SCAI: variants seen among roughly 807,000 people sequenced by gnomAD.
SCAI encodes the protein suppressor of cancer cell invasion, also known as protein SCAI.
In SCAI, 24 loss-of-function variants were observed where a neutral mutation model predicts 92.2. The ratio of observed to expected loss-of-function variants is 0.26; its 90% CI spans 0.19 to 0.37. The LOEUF (loss-of-function observed/expected upper bound fraction) is 0.37, where lower values mean the gene tolerates loss of function less well. Among genes scored for constraint, SCAI ranks in the 10% least tolerant of loss-of-function variants. SCAI has a pLI of 1.00. For synonymous variants in SCAI, 261 were observed against 258.6 expected (o/e 1.01, Z -0.09); for missense variants, 450 against 736.2 (o/e 0.61, Z 4.50).
chr9:124,962,482 C>A (rs1409127265), intron 17 of SCAI, among the ~76,000 whole-genome samples: 1 of 151,890 alleles, frequency 6.6e-6, no homozygotes. Context: ...CTTATAGCAA[C>A]CTTGCACCTA....
At chr9:125,045,580 C>G (rs917321777) in intron 3 of SCAI, among the ~76,000 whole-genome samples, 2 of 152,190 alleles carry the variant, frequency 1.3e-5, no homozygotes, top group South Asian at 4.1e-4. Flanking sequence ...AGGCAATCCT[C>G]TGGCCTTGGC....
At chr9:125,080,608 G>A (rs751273856) in intron 2 of SCAI, among the ~76,000 whole-genome samples, 5 of 152,112 alleles carry the variant, frequency 3.3e-5, no homozygotes, top group Non-Finnish European at 7.4e-5. Context: ...TTTACTTTGG[G>A]CATGTTTTTA....
chr9:124,977,162 C>A (rs956859578), intron 14 of SCAI, among the ~76,000 whole-genome samples: 2 of 152,276 alleles, frequency 1.3e-5, no homozygotes, highest in South Asian at 4.1e-4. Context: ...AGCCAGCACG[C>A]CCAGCCAAAA....
At chr9:125,007,243 G>A (rs1208866485) in intron 9 of SCAI, among the ~76,000 whole-genome samples, 1 of 152,104 alleles carries the variant, frequency 6.6e-6, no homozygotes, top group African/African-American at 2.4e-5. Flanking sequence ...ACAAGCAATA[G>A]AACAGACCAA....
chr9:125,043,879 C>T lies in SCAI; in HGVS notation c.230+11997G>A, dbSNP rs919563331. ...GTGGAGGCCAGGAACAGGTGGAAGCCGGGCCACCTACTGAGTTGGAGGGGT... is the reference window on the plus strand; with the variant it reads ...GTGGAGGCCAGGAACAGGTGGAAGCTGGGCCACCTACTGAGTTGGAGGGGT... On this transcript the variant is annotated intron_variant, in intron 3 of 17. Coordinates refer to ENST00000336505, the MANE Select transcript of SCAI (RefSeq NM_001144877.3). Among the ~76,000 whole-genome samples, 5 of 152,234 alleles carry T rather than the reference C, an allele frequency of 3.3e-5. No homozygotes were observed. The South Asian group carries it at 6.2e-4, about 19-fold the overall frequency.
chr9:124,999,167 T>C (rs1832306378), intron 13 of SCAI, among the ~76,000 whole-genome samples: 1 of 151,688 alleles, frequency 6.6e-6, no homozygotes, highest in South Asian at 2.1e-4. Context: ...GGCAGGTGGA[T>C]CACAAGGTCA....
intron 12 of SCAI, among the ~76,000 whole-genome samples, chr9:125,000,462 C>A (rs1832332892): frequency 6.6e-6 from 1 of 151,814 alleles, no homozygotes. Context: ...CCAGCCTGGG[C>A]AATATAGTGA....
intron 3 of SCAI, among the ~76,000 whole-genome samples, chr9:125,042,393 T>C (rs1466392175): frequency 1.3e-5 from 2 of 151,972 alleles, no homozygotes; most frequent in Non-Finnish European, 2.9e-5. Flanking sequence ...AAATCCCCCA[T>C]CTTTACTAAA....
chr9:125,077,801 C>T (rs1834123140), intron 2 of SCAI, among the ~76,000 whole-genome samples: 1 of 152,148 alleles, frequency 6.6e-6, no homozygotes, highest in South Asian at 2.1e-4. Flanking sequence ...TCACTACAAC[C>T]TCTGCCTCCT....
intron 3 of SCAI, among the ~76,000 whole-genome samples, chr9:125,030,117 A>G (rs578097756): frequency 2.0e-5 from 3 of 152,334 alleles, no homozygotes; most frequent in African/African-American, 7.2e-5. Flanking sequence ...TAGAAAATAT[A>G]CCTAGAAATC....
chr9:124,963,146 T>G (rs117101033), intron 17 of SCAI, among the ~76,000 whole-genome samples: 4,391 of 148,302 alleles, frequency 0.03, 170 homozygotes, highest in Admixed American at 0.091. Flanking sequence ...AAGAATTTTT[T>G]CCCCCCCGAG....
At chr9:124,991,980 G>A (rs897294941) in intron 14 of SCAI, among the ~76,000 whole-genome samples, 2 of 152,134 alleles carry the variant, frequency 1.3e-5, no homozygotes, top group South Asian at 2.1e-4. Flanking sequence ...GCAGTGGCAC[G>A]ATCGCAGCTC....
intron 17 of SCAI, among the ~76,000 whole-genome samples, chr9:124,970,677 C>T (rs1245213422): frequency 6.6e-6 from 1 of 151,748 alleles, no homozygotes; most frequent in African/African-American, 2.4e-5. Flanking sequence ...GAGCTGAGAT[C>T]GAGTCATTGC....
chr9:125,089,830 A>G (rs1306569704), intron 2 of SCAI, among the ~76,000 whole-genome samples: 1 of 152,148 alleles, frequency 6.6e-6, no homozygotes, highest in Non-Finnish European at 1.5e-5. Context: ...GCAGTCTCTG[A>G]GTAGCTAGCC....
chr9:125,010,387 C>T (rs1832610062), intron 9 of SCAI, among the ~76,000 whole-genome samples: 2 of 152,248 alleles, frequency 1.3e-5, no homozygotes, highest in South Asian at 4.1e-4. Flanking sequence ...ATATCCCGCA[C>T]ATGGCTTGGA....
intron 12 of SCAI, 97 bp from the exon 13 acceptor site, chr9:125,000,087 C>A: frequency 1.8e-6 from 1 of 552,728 alleles, no homozygotes; most frequent in South Asian, 3.3e-5. Context: ...CTCATTGATT[C>A]AAGCGAAGAT....
In SCAI at chr9:124,980,760, T is replaced by C. The variant is rs185418870; in HGVS notation, c.1327-4574A>G. On this transcript the variant is annotated intron_variant, in intron 14 of 17. Coordinates refer to ENST00000336505, the MANE Select transcript of SCAI (RefSeq NM_001144877.3). ...CTCCAAACTCACCCCACTTATCTTTTTCTTTTGCTGGTTTTGCTCTGTATC... is the reference window on the plus strand; with the variant it reads ...CTCCAAACTCACCCCACTTATCTTTCTCTTTTGCTGGTTTTGCTCTGTATC... 9.6e-4 allele frequency among the ~76,000 whole-genome samples: 146 copies of C among 152,340 alleles called. 1 individual carries two copies. The highest frequency in any genetic ancestry group is 3.3e-3 in the African/African-American group (139 of 41,582).
intron 9 of SCAI, among the ~76,000 whole-genome samples, chr9:125,004,758 TATATATATATATATA>T (rs1195157091): frequency 7.7e-3 from 77 of 9,998 alleles, no homozygotes; most frequent in Non-Finnish European, 0.016. Context: ...TATATATATA[TATATATATATATATA>T]TATATATTTT....
chr9:124,976,880 CTT>C (rs1056203460), intron 14 of SCAI, among the ~76,000 whole-genome samples: 1 of 146,892 alleles, frequency 6.8e-6, no homozygotes. Flanking sequence ...ATACCATGTT[CTT>C]TTTTTTTTTG....
Sources: gnomAD v4.1 joint callset for allele counts (sites outside exome capture counted in the v4.1 genomes callset) on GRCh38, gnomAD v4.1.1 for gene constraint, MANE v1.5 for transcripts, NCBI Gene and HGNC (gene_info 2026-07-23, HGNC 2026-07-21) for gene names.